The following RGS3 variants were observed in gnomAD, a reference collection of about 807,000 sequenced individuals.
RGS3 encodes the protein regulator of G-protein signalling 3.
RGS3 carries 80 observed loss-of-function variants against 132.6 expected under a neutral mutation model. The ratio of observed to expected loss-of-function variants is 0.60; its 90% CI spans 0.50 to 0.73. The LOEUF is 0.73. Ranked by LOEUF, RGS3 falls within the 30% of genes least tolerant of loss-of-function variation. RGS3 has a pLI of 0.00. For missense variants in RGS3, 1,382 were observed against 1,530.8 expected (o/e 0.90, Z 1.62); for synonymous variants, 598 against 620.6 (o/e 0.96, Z 0.54).
chr9:113,457,140 C>CT (rs1264007518), upstream of RGS3, among the ~76,000 whole-genome samples: 1 of 152,176 alleles, frequency 6.6e-6, no homozygotes, highest in Non-Finnish European at 1.5e-5. Context: ...TTGCATATTA[C>CT]TGATTCCCTC....
rs1832725342 is a variant in RGS3, at chr9:113,537,413, T to G, written c.2037+495T>G. On this transcript the variant is annotated intron_variant, in intron 19 of 24. Coordinates refer to ENST00000350696, the Ensembl canonical transcript of RGS3. This position sits in a 1 kb window ranked among gnomAD's most constrained non-coding sequence, Gnocchi z 4.3. ...GTGTGGACTGCTGGGGTCTGGGGAC[T>G]GGCTGGCAGGAGCACCGGGGAAGAT... is the stretch of plus-strand genomic sequence containing the variant. Among the ~76,000 whole-genome samples, 1 of 152,138 alleles carries G rather than the reference T, an allele frequency of 6.6e-6. No homozygotes were observed. Among genetic ancestry groups the G allele is most frequent in the African/African-American group, 2.4e-5 (1 of 41,438 alleles).
rs116988335 is a variant in RGS3, at chr9:113,520,306, G to T, written c.1759-2624G>T. ...GGAGTCCACATGCCCTCCCCGGCAC[G>T]CTTGCCCCTCTGCTCTGCCTCCAGC... On this transcript the variant is annotated intron_variant, in intron 16 of 24. Coordinates refer to ENST00000350696, the Ensembl canonical transcript of RGS3. Among the ~76,000 whole-genome samples the T allele has an allele frequency of 1.4e-3, 217 of 152,346 alleles. 6 individuals carry two copies. In the East Asian group the frequency reaches 0.037, roughly 26 times the overall value.
chr9:113,507,746 A>G lies in RGS3; in HGVS notation c.1437+108A>G, dbSNP rs1430662230. On this transcript the variant is annotated intron_variant, in intron 13 of 24. Transcript: ENST00000350696. This position sits in a 1 kb window ranked among gnomAD's most constrained non-coding sequence, Gnocchi z 5.0. Reference sequence around the variant, plus strand: ...GATGAGCAGCCTGTGAGGGGCTGCGATGTTGGGCAAGGAGATGGGGTATGT... The same window carrying G: ...GATGAGCAGCCTGTGAGGGGCTGCGGTGTTGGGCAAGGAGATGGGGTATGT... The G allele has an allele frequency of 9.9e-6, 9 of 912,144 alleles. No individual in the cohort carries two copies. The highest frequency in any genetic ancestry group is 3.1e-5 in the Admixed American group (1 of 32,236). 56.5% of individuals were successfully genotyped at this position (912,144 alleles called of 1,614,324 possible).
At position 113,498,017 on chromosome 9, in the gene RGS3, C is replaced by T. The variant is rs1830742005; in HGVS notation, c.842-8C>T. The T allele has an allele frequency of 2.5e-6, 4 of 1,613,854 alleles. No homozygotes were observed. Among genetic ancestry groups the T allele is most frequent in the Non-Finnish European group, 3.4e-6 (4 of 1,179,886 alleles). On this transcript the variant is annotated splice_region_variant and splice_polypyrimidine_tract_variant and intron_variant, in intron 9 of 24. Coordinates refer to ENST00000350696, the Ensembl canonical transcript of RGS3. ...GAAGTTTTCTGATTCTGCTCTGTCA[C>T]CTTCCAGACCCGCTGCTGAGAATGC...
At chr9:113,487,515 C>T (rs1236355448) in intron 7 of RGS3, among the ~76,000 whole-genome samples, 1 of 152,212 alleles carries the variant, frequency 6.6e-6, no homozygotes, top group Non-Finnish European at 1.5e-5. Context: ...TGCCTAAGGT[C>T]ATACAGCCAG....
At chr9:113,595,344 C>T (rs550831029) in intron 23 of RGS3, 22 of 556,314 alleles carry the variant, frequency 4.0e-5, no homozygotes, top group East Asian at 8.6e-5. Flanking sequence ...CCCAGGGCTC[C>T]GGGAGACAGA....
At chr9:113,540,215 C>T (rs1395734658) in intron 19 of RGS3, among the ~76,000 whole-genome samples, 1 of 152,150 alleles carries the variant, frequency 6.6e-6, no homozygotes, top group Non-Finnish European at 1.5e-5. Context: ...TGCATGGGGA[C>T]TGCTGCGAGG....
At chr9:113,529,547 C>T (rs1201129977) in intron 18 of RGS3, among the ~76,000 whole-genome samples, 3 of 152,214 alleles carry the variant, frequency 2.0e-5, no homozygotes, top group East Asian at 3.8e-4. Context: ...GCAGGAATCT[C>T]AGTGGGGGTG....
chr9:113,502,630 T>A (rs978138269), intron 10 of RGS3, among the ~76,000 whole-genome samples: 1 of 152,218 alleles, frequency 6.6e-6, no homozygotes, highest in African/African-American at 2.4e-5. Flanking sequence ...GAGAGAGCAC[T>A]GGTTGGGACA....
intron 19 of RGS3, among the ~76,000 whole-genome samples, chr9:113,549,379 T>C (rs1833239298): frequency 6.6e-6 from 1 of 152,228 alleles, no homozygotes; most frequent in Admixed American, 6.5e-5. Flanking sequence ...GTATCTGACT[T>C]TCTATAACCC....
intron 19 of RGS3, among the ~76,000 whole-genome samples, chr9:113,549,531 C>T (rs1833245687): frequency 6.6e-6 from 1 of 152,022 alleles, no homozygotes; most frequent in Non-Finnish European, 1.5e-5. Context: ...ATGAAGAAAA[C>T]ATTTAATACA....
chr9:113,470,982 A>G (rs1040022733), intron 3 of RGS3, among the ~76,000 whole-genome samples: 3 of 152,082 alleles, frequency 2.0e-5, no homozygotes, highest in Admixed American at 6.6e-5. Flanking sequence ...ACAAACAACA[A>G]ACAAACAGTA....
intron 1 of RGS3, among the ~76,000 whole-genome samples, chr9:113,447,329 G>GTATATATATATGTATATATATA (rs1829129858): frequency 3.6e-5 from 1 of 27,536 alleles, no homozygotes. Context: ...GTATGTATAT[G>GTATATATATATGTATATATATA]TATATATATA....
At chr9:113,520,182 C>A (rs991157187) in intron 16 of RGS3, among the ~76,000 whole-genome samples, 9 of 152,196 alleles carry the variant, frequency 5.9e-5, no homozygotes, top group African/African-American at 2.2e-4. Flanking sequence ...CACTGGGTGA[C>A]CCCCGTGGCC....
At chr9:113,520,542 GT>G (rs768805637) in intron 16 of RGS3, among the ~76,000 whole-genome samples, 5,477 of 127,402 alleles carry the variant, frequency 0.043, 132 homozygotes, top group South Asian at 0.097. Flanking sequence ...GGCCTGGGCT[GT>G]TTTTTTTTTT....
rs537216814 is a variant in RGS3 at position 113,461,587 on chromosome 9, C to T, written c.81-120C>T. ...TCAGGCTGGCCTTGCAATCTTCCAA[C>T]TGAATATGTTAGCTGCAGAGTGGGG... On this transcript the variant is annotated intron_variant, in intron 1 of 24. Coordinates refer to ENST00000350696, the Ensembl canonical transcript of RGS3. The T allele has an allele frequency of 4.0e-5, 41 of 1,033,540 alleles. No individual in the cohort carries two copies. In the East Asian group the frequency reaches 9.4e-4, roughly 24 times the overall value. The allele number at this position is 1,033,540 out of a possible 1,614,324, so 64.0% of individuals were successfully genotyped here. A position where few individuals can be genotyped will look rare whatever the true frequency, so the allele number is the denominator to read the frequency against.
chr9:113,490,125 G>A (rs1830461852), intron 7 of RGS3, among the ~76,000 whole-genome samples: 1 of 152,194 alleles, frequency 6.6e-6, no homozygotes, highest in African/African-American at 2.4e-5. Flanking sequence ...TCCCTGCGCT[G>A]AGCCTCAATT....
chr9:113,579,321 T>A lies in RGS3; in HGVS notation c.2038-4129T>A, dbSNP rs1834680791. ...CTGGTATGAGTGTGAACTCTGGGTG[T>A]CATAGCTGCCATCCCTCCTTAGCCT... On this transcript the variant is annotated intron_variant, in intron 19 of 24. Transcript: ENST00000350696. This position sits in a 1 kb window ranked among gnomAD's most constrained non-coding sequence, Gnocchi z 4.3. Among the ~76,000 whole-genome samples, 1 of 152,194 alleles carries A rather than the reference T, an allele frequency of 6.6e-6. No homozygotes were observed. The highest frequency in any genetic ancestry group is 2.4e-5 in the African/African-American group (1 of 41,442).
intron 3 of RGS3, among the ~76,000 whole-genome samples, chr9:113,474,223 G>A (rs1829921770): frequency 6.6e-6 from 1 of 152,194 alleles, no homozygotes; most frequent in Non-Finnish European, 1.5e-5. Flanking sequence ...AGGAAGCAGA[G>A]AGGCCAGGGG....
Sources: gnomAD v4.1 joint callset for allele counts (sites outside exome capture counted in the v4.1 genomes callset) on GRCh38, gnomAD v4.1.1 for gene constraint, Gnocchi (gnomAD v3.1) non-coding constraint, MANE v1.5 for transcripts, NCBI Gene and HGNC (gene_info 2026-07-23, HGNC 2026-07-21) for gene names.